Variants in PEBP4 observed in about 807,000 individuals in gnomAD.
PEBP4 encodes phosphatidylethanolamine binding protein 4.
PEBP4 carries 22 observed loss-of-function variants against 23.9 expected under a neutral mutation model. The observed-to-expected ratio is 0.92, with a 90% confidence interval of 0.66 to 1.31. The LOEUF (loss-of-function observed/expected upper bound fraction) is 1.31. Ranked by LOEUF, PEBP4 falls within the 40% of genes most tolerant of loss-of-function variation. The probability of loss-of-function intolerance (pLI) is 0.00; values close to 1 mark genes in which losing one functional copy is unlikely to be tolerated. For synonymous variants in PEBP4, 112 were observed against 99.3 expected, an observed-to-expected ratio of 1.13 and a Z score of -0.76; for missense variants, 324 against 281.7, an observed-to-expected ratio of 1.15 and a Z score of -1.07.
intron 6 of PEBP4, 131 bp from the exon 7 acceptor site, chr8:22,713,667 T>A (rs1363855580): frequency 7.7e-7 from 1 of 1,293,568 alleles, no homozygotes; most frequent in Non-Finnish European, 1.1e-6. Flanking sequence ...TGGGGCGTAG[T>A]GGCTGGGGGA....
chr8:22,743,935 G>C lies in PEBP4; in HGVS notation c.358-16715C>G, dbSNP rs534979144. Among the ~76,000 whole-genome samples the C allele has an allele frequency of 2.5e-3, 381 of 152,282 alleles. 1 individual carries two copies. The highest frequency in any genetic ancestry group is 8.6e-3 in the African/African-American group (356 of 41,562). ...CTTGTGAGGTCTCCCTGCTCACTCG[G>C]GGACCAGCCAAGCCTGACCCTGTTT... On this transcript the variant is annotated intron_variant, in intron 4 of 6. Coordinates refer to ENST00000256404, the MANE Select transcript of PEBP4 (RefSeq NM_144962.3).
chr8:22,848,232 T>C (rs575208669), intron 3 of PEBP4, among the ~76,000 whole-genome samples: 3 of 152,190 alleles, frequency 2.0e-5, no homozygotes, highest in Non-Finnish European at 4.4e-5. Context: ...GAATTCCATT[T>C]GTGTCAGTCA....
chr8:22,786,396 C>T (rs1304782900), intron 4 of PEBP4, among the ~76,000 whole-genome samples: 1 of 152,130 alleles, frequency 6.6e-6, no homozygotes, highest in Non-Finnish European at 1.5e-5. Flanking sequence ...AATTCTCTGG[C>T]CTCAGCCTCC....
chr8:22,805,420 G>A (rs554601720), intron 4 of PEBP4, among the ~76,000 whole-genome samples: 34 of 152,290 alleles, frequency 2.2e-4, no homozygotes, highest in Non-Finnish European at 3.7e-4. Context: ...TCCGTCTCCC[G>A]GGTTCAAGCG....
intron 4 of PEBP4, among the ~76,000 whole-genome samples, chr8:22,728,073 G>A (rs1804653417): frequency 6.6e-6 from 1 of 152,154 alleles, no homozygotes; most frequent in Admixed American, 6.5e-5. Context: ...TAATGAAGGT[G>A]ATTAGCGTGA....
chr8:22,856,047 CAA>C (rs34409506), intron 3 of PEBP4, among the ~76,000 whole-genome samples: 34 of 91,636 alleles, frequency 3.7e-4, no homozygotes, highest in Middle Eastern at 6.5e-3. Context: ...GACCCTGTCT[CAA>C]AAAAAAAAAA....
intron 3 of PEBP4, among the ~76,000 whole-genome samples, chr8:22,904,797 T>C (rs189718052): frequency 4.9e-4 from 74 of 152,378 alleles, no homozygotes; most frequent in African/African-American, 1.6e-3. Flanking sequence ...CAGCCTTAAA[T>C]ATTCTTCAAG....
chr8:22,816,779 G>A (rs1428243707), intron 4 of PEBP4, among the ~76,000 whole-genome samples: 1 of 152,192 alleles, frequency 6.6e-6, no homozygotes, highest in African/African-American at 2.4e-5. Context: ...ATCTGCAGGT[G>A]TTCTAGGCAC....
chr8:22,904,509 C>T (rs550092893), intron 3 of PEBP4, among the ~76,000 whole-genome samples: 59 of 152,306 alleles, frequency 3.9e-4, no homozygotes, highest in African/African-American at 1.4e-3. Context: ...GTTCACCCCC[C>T]GTCCCCCATA....
chr8:22,937,204 AAAAG>A (rs1312903617), intron 1 of PEBP4, among the ~76,000 whole-genome samples: 1 of 152,228 alleles, frequency 6.6e-6, no homozygotes, highest in Non-Finnish European at 1.5e-5. Flanking sequence ...AATTTTTTAA[AAAAG>A]AAAAACTGTT....
intron 3 of PEBP4, among the ~76,000 whole-genome samples, chr8:22,860,698 C>T (rs1322078853): frequency 1.3e-5 from 2 of 152,242 alleles, no homozygotes; most frequent in African/African-American, 4.8e-5. Context: ...CTCCGTGGAG[C>T]TTTCCTCAAG....
At chr8:22,752,936 C>T (rs1265573571) in intron 4 of PEBP4, among the ~76,000 whole-genome samples, 1 of 152,204 alleles carries the variant, frequency 6.6e-6, no homozygotes, top group African/African-American at 2.4e-5. Context: ...TTCACCACCC[C>T]ATCCCTTCTC....
intron 1 of PEBP4, among the ~76,000 whole-genome samples, chr8:22,934,280 T>C (rs1031829804): frequency 1.3e-5 from 2 of 152,218 alleles, no homozygotes; most frequent in East Asian, 1.9e-4. Context: ...TATATAATAA[T>C]GTAAACTCTA....
chr8:22,940,170 T>C (rs1809591014), intron 1 of PEBP4, among the ~76,000 whole-genome samples: 1 of 152,186 alleles, frequency 6.6e-6, no homozygotes, highest in Non-Finnish European at 1.5e-5. Flanking sequence ...TCCCCCTATA[T>C]TTCTCAGGAT....
At chr8:22,829,426 T>G (rs2128763780) in intron 3 of PEBP4, among the ~76,000 whole-genome samples, 1 of 152,316 alleles carries the variant, frequency 6.6e-6, no homozygotes, top group South Asian at 2.1e-4. Context: ...CAACCTCCCC[T>G]AACTTCCCTG....
chr8:22,940,093 A>C (rs1202093611), intron 1 of PEBP4, among the ~76,000 whole-genome samples: 1 of 152,188 alleles, frequency 6.6e-6, no homozygotes. Context: ...TGAGAATTGA[A>C]CTTAAAGCCT....
At chr8:22,759,281 A>G (rs1224965235) in intron 4 of PEBP4, among the ~76,000 whole-genome samples, 1 of 151,542 alleles carries the variant, frequency 6.6e-6, no homozygotes, top group Non-Finnish European at 1.5e-5. Context: ...TTGCCAAGAG[A>G]GGATACCCGG....
At chr8:22,722,366 C>A (rs1273623798) in intron 6 of PEBP4, among the ~76,000 whole-genome samples, 1 of 152,160 alleles carries the variant, frequency 6.6e-6, no homozygotes, top group Middle Eastern at 3.2e-3. Flanking sequence ...AACTGAGGCC[C>A]AGCGAGGTTC....
intron 3 of PEBP4, among the ~76,000 whole-genome samples, chr8:22,835,370 G>A (rs759970544): frequency 1.1e-4 from 17 of 152,174 alleles, no homozygotes; most frequent in South Asian, 2.1e-4. Flanking sequence ...CTTGACAGCC[G>A]GAAGACTTCC....
Sources: gnomAD v4.1 joint callset for allele counts (sites outside exome capture counted in the v4.1 genomes callset) on GRCh38, gnomAD v4.1.1 for gene constraint, MANE v1.5 for transcripts, NCBI Gene and HGNC (gene_info 2026-07-23, HGNC 2026-07-21) for gene names.